DLG2: variants seen among roughly 807,000 people sequenced by gnomAD.
The protein encoded by DLG2 is disks large homolog 2.
Under a neutral mutation model 132.5 loss-of-function variants are expected in DLG2, and 45 were observed. That is an observed-to-expected ratio of 0.34 (90% CI 0.27 to 0.44). The LOEUF is 0.44. DLG2 is among the 20% of genes least tolerant of loss of function. The pLI is 1.00. For missense variants in DLG2, 1,045 were observed against 1,196.9 expected, an observed-to-expected ratio of 0.87 and a Z score of 1.87; for synonymous variants, 424 against 419.6, an observed-to-expected ratio of 1.01 and a Z score of -0.13.
intron 6 of DLG2, among the ~76,000 whole-genome samples, chr11:84,744,175 A>G (rs1219356426): frequency 1.3e-5 from 2 of 152,216 alleles, no homozygotes; most frequent in African/African-American, 4.8e-5. Context: ...CAACAACAAC[A>G]ACAACAAGGA....
At chr11:84,340,035 A>G (rs765169091) in intron 7 of DLG2, among the ~76,000 whole-genome samples, 2 of 152,218 alleles carry the variant, frequency 1.3e-5, no homozygotes, top group Non-Finnish European at 2.9e-5. Flanking sequence ...CCAATTACAG[A>G]AAGTCACCCA....
intron 18 of DLG2, among the ~76,000 whole-genome samples, chr11:83,721,701 G>A (rs1359373981): frequency 1.3e-5 from 2 of 152,194 alleles, no homozygotes; most frequent in African/African-American, 2.4e-5. Flanking sequence ...ATTTAGATGC[G>A]ACAACGAATT....
chr11:85,382,817 TACAATAAAAATG>T (rs1264753228), intron 3 of DLG2, among the ~76,000 whole-genome samples: 1 of 152,090 alleles, frequency 6.6e-6, no homozygotes, highest in Non-Finnish European at 1.5e-5. Context: ...ATATTGTGGC[TACAATAAAAATG>T]ACAAATAATA....
chr11:84,593,276 C>T (rs1044313588), intron 6 of DLG2, among the ~76,000 whole-genome samples: 7 of 152,028 alleles, frequency 4.6e-5, no homozygotes, highest in South Asian at 4.1e-4. Flanking sequence ...ACCATTTGAC[C>T]GCCAATCCCA....
At chr11:84,887,147 C>A (rs2088474800) in intron 6 of DLG2, 1 of 152,002 alleles carries the variant, frequency 6.6e-6, no homozygotes, top group Non-Finnish European at 1.5e-5. Flanking sequence ...ATACAGAGCA[C>A]CTTTAAAAAG....
At chr11:84,845,621 TCAGATAACC>T (rs1246262056) in intron 6 of DLG2, among the ~76,000 whole-genome samples, 2 of 151,850 alleles carry the variant, frequency 1.3e-5, no homozygotes, top group African/African-American at 4.8e-5. Flanking sequence ...AGAATTTTAA[TCAGATAACC>T]CATCCTTCCC....
chr11:84,408,559 T>C (rs1040494720), intron 7 of DLG2, among the ~76,000 whole-genome samples: 2 of 152,156 alleles, frequency 1.3e-5, no homozygotes, highest in Non-Finnish European at 2.9e-5. Context: ...TCGGGGGTTA[T>C]GGCTATGTGC....
chr11:83,631,122 G>A (rs920383054), intron 19 of DLG2: 1 of 140,980 alleles, frequency 7.1e-6, no homozygotes, highest in African/African-American at 2.6e-5. Context: ...GTACAAACTT[G>A]TTGAATCCTT....
intron 4 of DLG2, among the ~76,000 whole-genome samples, chr11:85,181,342 A>C (rs1426340954): frequency 6.6e-6 from 1 of 151,722 alleles, no homozygotes; most frequent in African/African-American, 2.4e-5. Flanking sequence ...CAATCCACTT[A>C]CACCCTTTTA....
At chr11:84,957,232 C>T (rs1468955030) in intron 6 of DLG2, among the ~76,000 whole-genome samples, 1 of 152,186 alleles carries the variant, frequency 6.6e-6, no homozygotes, top group Non-Finnish European at 1.5e-5. Flanking sequence ...TCCTCTTATC[C>T]ATTACACTAT....
chr11:84,559,719 T>A (rs2099419761), intron 6 of DLG2, among the ~76,000 whole-genome samples: 1 of 152,176 alleles, frequency 6.6e-6, no homozygotes, highest in Non-Finnish European at 1.5e-5. Flanking sequence ...TAACTGTGTC[T>A]CTTCGGTCCT....
intron 7 of DLG2, among the ~76,000 whole-genome samples, chr11:84,264,126 G>A (rs1297441696): frequency 6.6e-6 from 1 of 152,086 alleles, no homozygotes; most frequent in African/African-American, 2.4e-5. Context: ...ACGTGAATGG[G>A]GACTAGAAAC....
intron 17 of DLG2, among the ~76,000 whole-genome samples, chr11:83,808,211 A>G (rs1260738386): frequency 6.6e-6 from 1 of 152,204 alleles, no homozygotes; most frequent in Non-Finnish European, 1.5e-5. Context: ...TGCAGGGACC[A>G]GCTTTCCTCA....
intron 6 of DLG2, among the ~76,000 whole-genome samples, chr11:85,036,674 G>C (rs959173757): frequency 6.6e-6 from 1 of 152,206 alleles, no homozygotes; most frequent in South Asian, 2.1e-4. Flanking sequence ...TATTCAAAGA[G>C]TATGTTATGC....
intron 7 of DLG2, among the ~76,000 whole-genome samples, chr11:84,364,694 A>T (rs1380466775): frequency 5.9e-5 from 9 of 152,042 alleles, no homozygotes; most frequent in South Asian, 4.2e-4. Context: ...CATCAATACC[A>T]AATTTATTGA....
intron 7 of DLG2, among the ~76,000 whole-genome samples, chr11:84,303,450 A>C (rs1007661188): frequency 6.6e-6 from 1 of 152,234 alleles, no homozygotes. Context: ...TTTAATGATG[A>C]AAATGATGAA....
At chr11:85,428,192 C>T (rs982467575) in intron 3 of DLG2, among the ~76,000 whole-genome samples, 1 of 152,094 alleles carries the variant, frequency 6.6e-6, no homozygotes, top group Non-Finnish European at 1.5e-5. Flanking sequence ...ACTATAACAC[C>T]CCACTGTCAA....
intron 6 of DLG2, among the ~76,000 whole-genome samples, chr11:85,041,426 C>T (rs2061856781): frequency 2.6e-5 from 4 of 151,856 alleles, no homozygotes; most frequent in Admixed American, 2.6e-4. Context: ...GACTCTTAAC[C>T]TTATTTTACT....
At chr11:85,505,121 C>G (rs540899281) in intron 3 of DLG2, among the ~76,000 whole-genome samples, 9 of 152,254 alleles carry the variant, frequency 5.9e-5, no homozygotes, top group African/African-American at 2.2e-4. Context: ...AGATTTTGGG[C>G]TGAGACAATG....
Sources: allele counts gnomAD v4.1 joint callset (sites outside exome capture counted in the v4.1 genomes callset), GRCh38; gene constraint gnomAD v4.1.1; transcripts MANE v1.5; gene names NCBI Gene and HGNC (gene_info 2026-07-23, HGNC 2026-07-21).